The following PGLS variants were observed in gnomAD, a reference collection of about 807,000 sequenced individuals.
PGLS encodes the protein 6-phosphogluconolactonase, also known as epididymis secretory protein Li 304.
Under a neutral mutation model 23.2 loss-of-function variants are expected in PGLS, and 21 were observed. That is an observed-to-expected ratio of 0.91 (90% CI 0.64 to 1.31). The LOEUF (loss-of-function observed/expected upper bound fraction) is 1.31. Among genes scored for constraint, PGLS ranks in the 50% most tolerant of loss-of-function variants. PGLS has a pLI of 0.00. For synonymous variants in PGLS, 179 were observed against 165.4 expected (o/e 1.08, Z -0.63); for missense variants, 410 against 354.0 (o/e 1.16, Z -1.27).
At position 17,511,785 on chromosome 19, in the gene PGLS, G is replaced by A. The variant is rs778753076; in HGVS notation, c.113G>A (p.Arg38His). 15 of 1,497,102 alleles carry A rather than the reference G, an allele frequency of 1.0e-5. No homozygotes were observed. Among genetic ancestry groups the A allele is most frequent in the Non-Finnish European group, 1.2e-5 (14 of 1,129,992 alleles). 92.7% of individuals were successfully genotyped at this position (1,497,102 alleles called of 1,614,324 possible). Residue 38 changes from arginine (R) to histidine (H), a missense_variant, in exon 1 of 5, where the codon CGC (arginine) becomes CAC (histidine). By Grantham distance (29) the Arg-to-His change is conservative. Transcript: ENST00000252603. ...QRAACCLAGA[R>H]ARFALGLSGG... ...GCAGCATGCTGCCTGGCAGGGGCCCGCGCCCGTTTCGCGCTCGGCCTGTCG... is the reference window on the plus strand; with the variant it reads ...GCAGCATGCTGCCTGGCAGGGGCCCACGCCCGTTTCGCGCTCGGCCTGTCG...
In PGLS at chr19:17,511,907, G is replaced by C; in HGVS notation, c.235G>C (p.Asp79His). The change falls in exon 1 of 5, where the codon GAC becomes CAC. Residue 79 changes from aspartate to histidine, a missense_variant. Asp to His is a moderately conservative substitution (Grantham distance 81). Coordinates refer to ENST00000252603, the MANE Select transcript of PGLS (RefSeq NM_012088.3). The stretch of plus-strand genomic sequence containing the variant: ...AGCGCGCTGGACGCTGGGCTTCTGC[G>C]ACGAGCGCCTCGTGCCCTTCGATCA... Reference protein sequence around the residue: ...SLARWTLGFCDERLVPFDHAE... With the variant: ...SLARWTLGFCHERLVPFDHAE... The C allele has an allele frequency of 6.5e-7, 1 of 1,545,062 alleles. No homozygotes were observed. Among genetic ancestry groups the C allele is most frequent in the Non-Finnish European group, 8.7e-7 (1 of 1,146,490 alleles).
At chr19:17,516,404 G>A in intron 2 of PGLS, 124 bp downstream of exon 2, 2 of 1,456,256 alleles carry the variant, frequency 1.4e-6, no homozygotes, top group Non-Finnish European at 1.8e-6. Flanking sequence ...AGATCCCTTT[G>A]AGGAATCCCC....
intron 2 of PGLS, among the ~76,000 whole-genome samples, chr19:17,516,750 A>G (rs2075534705): frequency 1.3e-5 from 2 of 151,084 alleles, no homozygotes; most frequent in South Asian, 4.2e-4. Flanking sequence ...ACGCCTGGTT[A>G]ATTTTTTTGT....
rs148238828 is a variant in PGLS at position 17,517,800 on chromosome 19, C to T, written c.589C>T (p.Arg197Ter). 54 of 1,613,968 alleles carry T rather than the reference C, an allele frequency of 3.3e-5. No individual in the cohort carries two copies. The highest frequency in any genetic ancestry group is 8.3e-5 in the Admixed American group (5 of 59,980). ...TLTLPVLNAA[R>*]TVIFVATGEG... Reference sequence around the variant, plus strand: ...CACACTACCTGTCCTGAATGCAGCACGAACTGTCATCTTTGTGGCAACTGG... The same window carrying T: ...CACACTACCTGTCCTGAATGCAGCATGAACTGTCATCTTTGTGGCAACTGG... The change falls in exon 4 of 5, where the codon CGA becomes TGA. Residue 197 changes from arginine (R) to a stop codon, truncating the protein, a stop_gained. Coordinates refer to ENST00000252603, the MANE Select transcript of PGLS (RefSeq NM_012088.3). LOFTEE classifies it high-confidence loss of function.
At chr19:17,513,420 G>T (rs1030012072) in intron 1 of PGLS, among the ~76,000 whole-genome samples, 14 of 151,788 alleles carry the variant, frequency 9.2e-5, no homozygotes, top group African/African-American at 3.4e-4. Flanking sequence ...CCAGCTACTC[G>T]GGAGGCTGAG....
intron 4 of PGLS, among the ~76,000 whole-genome samples, chr19:17,520,056 G>A (rs1447303642): frequency 6.6e-6 from 1 of 152,168 alleles, no homozygotes; most frequent in Admixed American, 6.6e-5. Context: ...GGCAGACTGA[G>A]GCAAGAGGAT....
chr19:17,516,812 C>T (rs1480746027), intron 2 of PGLS, among the ~76,000 whole-genome samples: 1 of 150,868 alleles, frequency 6.6e-6, no homozygotes, highest in African/African-American at 2.4e-5. Flanking sequence ...TGGTCTCGAT[C>T]TCCTGACCTC....
Position 17,521,075 on chromosome 19 carries a change from T to C in PGLS, c.771T>C (p.Thr257=), listed in dbSNP as rs763464084. The C allele has an allele frequency of 3.7e-5, 59 of 1,598,466 alleles. No homozygotes were observed. Among genetic ancestry groups the C allele is most frequent in the Non-Finnish European group, 4.7e-5 (55 of 1,171,702 alleles). The change falls in exon 5 of 5, where the codon ACT becomes ACC. Residue 257 remains threonine (T), a synonymous_variant. Transcript: ENST00000252603. Reference sequence around the variant, plus strand: ...CCGTGCCCTTCGAGAAGCATTCCACTTTGTAGCTGGCCAGAGGGACGCCGC... The same window carrying C: ...CCGTGCCCTTCGAGAAGCATTCCACCTTGTAGCTGGCCAGAGGGACGCCGC... The part of the protein sequence containing the change: ...LLTVPFEKHS[T]L
Position 17,516,566 on chromosome 19 carries a change from T to TA in PGLS, c.396+287dup, listed in dbSNP as rs1303661321. 6 of 1,086,464 alleles carry TA rather than the reference T, an allele frequency of 5.5e-6. No individual in the cohort carries two copies. The Admixed American group carries it at 1.2e-4, about 21-fold the overall frequency. The allele number at this position is 1,086,464 out of a possible 1,614,324, so 67.3% of individuals were successfully genotyped here. A position where few individuals can be genotyped will look rare whatever the true frequency, so the allele number is the denominator to read the frequency against. On this transcript the variant is annotated intron_variant, in intron 2 of 4. Coordinates refer to ENST00000252603, the MANE Select transcript of PGLS (RefSeq NM_012088.3). Reference sequence around the variant, plus strand: ...CTACATTGAGCACTGTTTCCTGCGTTACAGCTACTTGTATTTCTTTTTTTT... The same window carrying TA: ...CTACATTGAGCACTGTTTCCTGCGTTAACAGCTACTTGTATTTCTTTTTTTT...
chr19:17,517,487 G>C, intron 3 of PGLS, 98 bp downstream of exon 3: 2 of 1,060,116 alleles, frequency 1.9e-6, no homozygotes, highest in East Asian at 4.8e-5. Flanking sequence ...GGGGTGTCTA[G>C]AGCCAGGGTT....
rs768817582 is a variant in PGLS, at chr19:17,511,851, C to T, written c.179C>T (p.Ala60Val). The T allele has an allele frequency of 6.5e-7, 1 of 1,531,426 alleles. No individual in the cohort carries two copies. Among genetic ancestry groups the T allele is most frequent in the South Asian group, 1.2e-5 (1 of 83,242 alleles). 94.9% of individuals were successfully genotyped at this position (1,531,426 alleles called of 1,614,324 possible). The change falls in exon 1 of 5, where the codon GCC becomes GTC. Residue 60 changes from alanine (A) to valine (V), a missense_variant. Ala to Val is a moderately conservative substitution (Grantham distance 64, BLOSUM62 0). Coordinates refer to ENST00000252603, the MANE Select transcript of PGLS (RefSeq NM_012088.3). The part of the protein sequence containing the change: ...LVSMLARELP[A>V]AVAPAGPASL... The stretch of plus-strand genomic sequence containing the variant: ...TCGATGCTAGCCCGCGAGCTACCCG[C>T]CGCCGTCGCCCCTGCCGGGCCAGCT...
intron 1 of PGLS, among the ~76,000 whole-genome samples, chr19:17,514,596 A>G (rs752803949): frequency 7.3e-5 from 11 of 151,382 alleles, no homozygotes; most frequent in African/African-American, 1.5e-4. Flanking sequence ...GGCTCTATCA[A>G]TCCCCCTGCC....
In PGLS at chr19:17,511,710, C is replaced by G. The variant is rs1599686412; in HGVS notation, c.38C>G (p.Ser13Trp). The part of the protein sequence containing the change: ...APAPGLISVF[S>W]SSQELGAALA... ...GCCCCGGGCCTCATCTCGGTGTTCT[C>G]GAGTTCCCAGGAGCTGGGTGCGGCG... Residue 13 changes from serine (S) to tryptophan (W), a missense_variant, in exon 1 of 5, where the codon TCG becomes TGG. Physicochemically the swap from Ser to Trp is radical, Grantham distance 177 (BLOSUM62 -3). Coordinates refer to ENST00000252603, the MANE Select transcript of PGLS (RefSeq NM_012088.3). 4.6e-6 allele frequency: 7 copies of G among 1,510,476 alleles called. No individual in the cohort carries two copies. The highest frequency in any genetic ancestry group is 1.5e-5 in the African/African-American group (1 of 68,954). 93.6% of individuals were successfully genotyped at this position (1,510,476 alleles called of 1,614,324 possible). A position where few individuals can be genotyped will look rare whatever the true frequency, so the allele number is the denominator to read the frequency against.
chr19:17,521,189 C>A lies in PGLS; in HGVS notation c.*108C>A. ...CCTTTCAAAAAGCCACGTCGTGCTG[C>A]TGCTGGAAGCCAACAGCCTCCGGCC... On this transcript the variant is annotated 3_prime_UTR_variant, in exon 5 of 5. Coordinates refer to ENST00000252603, the MANE Select transcript of PGLS (RefSeq NM_012088.3). 8.4e-7 allele frequency: 1 copy of A among 1,194,192 alleles called. No homozygotes were observed. The highest frequency in any genetic ancestry group is 1.1e-6 in the Non-Finnish European group (1 of 875,224). 74.0% of individuals were successfully genotyped at this position (1,194,192 alleles called of 1,614,324 possible). A position where few individuals can be genotyped will look rare whatever the true frequency, so the allele number is the denominator to read the frequency against.
intron 1 of PGLS, among the ~76,000 whole-genome samples, chr19:17,514,403 G>A (rs1166756138): frequency 6.6e-6 from 1 of 151,814 alleles, no homozygotes; most frequent in African/African-American, 2.4e-5. Flanking sequence ...CATCTGCAAA[G>A]ACCCTATTTC....
chr19:17,515,510 T>C (rs372825844), intron 1 of PGLS, among the ~76,000 whole-genome samples: 2 of 152,138 alleles, frequency 1.3e-5, no homozygotes, highest in Admixed American at 1.3e-4. Context: ...GGCCAGGGCA[T>C]CTACTGTGCG....
intron 4 of PGLS, chr19:17,518,558 T>C (rs2075544003): frequency 6.6e-6 from 1 of 151,862 alleles, no homozygotes; most frequent in Non-Finnish European, 1.5e-5. Flanking sequence ...TGAGACAGAG[T>C]CTCCCTCTGT....
intron 4 of PGLS, chr19:17,518,529 T>C (rs2075543723): frequency 6.6e-6 from 1 of 151,990 alleles, no homozygotes; most frequent in African/African-American, 2.4e-5. Context: ...TTTTTTTTTG[T>C]TTTTTGTGTT....
Position 17,511,764 on chromosome 19 carries a change from C to A in PGLS, c.92C>A (p.Ala31Glu). Residue 31 changes from alanine to glutamate, a missense_variant, in exon 1 of 5, where the codon GCA (alanine) becomes GAA (glutamate). By Grantham distance (107) the Ala-to-Glu change is moderately radical. Coordinates refer to ENST00000252603, the MANE Select transcript of PGLS (RefSeq NM_012088.3). The stretch of plus-strand genomic sequence containing the variant: ...GCGCAGCTGGTGGCCCAGCGCGCAG[C>A]ATGCTGCCTGGCAGGGGCCCGCGCC... ...ALAQLVAQRA[A>E]CCLAGARARF... 1 of 1,498,302 alleles carries A rather than the reference C, an allele frequency of 6.7e-7. No homozygotes were observed. The highest frequency in any genetic ancestry group is 1.2e-5 in the South Asian group (1 of 80,274). The allele number at this position is 1,498,302 out of a possible 1,614,324, so 92.8% of individuals were successfully genotyped here. A position where few individuals can be genotyped will look rare whatever the true frequency, so the allele number is the denominator to read the frequency against.
Sources: gnomAD v4.1 joint callset for allele counts (sites outside exome capture counted in the v4.1 genomes callset) on GRCh38, gnomAD v4.1.1 for gene constraint, MANE v1.5 for transcripts, NCBI Gene and HGNC (gene_info 2026-07-23, HGNC 2026-07-21) for gene names.